ARHGAP39: variants seen among roughly 807,000 people sequenced by gnomAD.
ARHGAP39 encodes rho GTPase-activating protein 39.
ARHGAP39 carries 44 observed loss-of-function variants against 106.9 expected under a neutral mutation model. The observed-to-expected ratio is 0.41, with a 90% CI of 0.32 to 0.53. The LOEUF (loss-of-function observed/expected upper bound fraction) is 0.53, where lower values mean the gene tolerates loss of function less well. Among genes scored for constraint, ARHGAP39 ranks in the 20% least tolerant of loss-of-function variants. ARHGAP39 has a pLI of 0.21. For synonymous variants in ARHGAP39, 768 were observed against 693.2 expected (o/e 1.11, Z -1.69); for missense variants, 1,496 against 1,577.3 (o/e 0.95, Z 0.87).
intron 2 of ARHGAP39, among the ~76,000 whole-genome samples, chr8:144,590,890 TGAGGTCGCC>T (rs1819367681): frequency 6.6e-6 from 1 of 151,650 alleles, no homozygotes; most frequent in South Asian, 2.1e-4. Context: ...AGCCAGAGGG[TGAGGTCGCC>T]CTGAACCCCA....
Position 144,664,661 on chromosome 8 carries a change from G to A in ARHGAP39, c.-82+21025C>T, listed in dbSNP as rs116892257. ...CTGGTCTTTCCTGTGTTATTCTCGC[G>A]ATAGTGAATAAGTCTCACGAGATCT... is the stretch of plus-strand genomic sequence containing the variant. On this transcript the variant is annotated intron_variant, in intron 1 of 11. Transcript: ENST00000377307. Among the ~76,000 whole-genome samples, 764 of 152,242 alleles carry A rather than the reference G, an allele frequency of 5.0e-3. 5 individuals are homozygous for A. The highest frequency in any genetic ancestry group is 9.4e-3 in the Non-Finnish European group (642 of 68,024).
At chr8:144,597,588 G>A (rs1381581618) in intron 2 of ARHGAP39, among the ~76,000 whole-genome samples, 3 of 152,200 alleles carry the variant, frequency 2.0e-5, no homozygotes, top group Non-Finnish European at 4.4e-5. Flanking sequence ...GGGGGCGGGG[G>A]GAACCCAGGA....
chr8:144,629,406 C>T (rs1401750587), intron 1 of ARHGAP39, among the ~76,000 whole-genome samples: 1 of 152,186 alleles, frequency 6.6e-6, no homozygotes, highest in Non-Finnish European at 1.5e-5. Flanking sequence ...CGGAGCACGG[C>T]TGTGAGACCT....
rs537372920 is a variant in ARHGAP39 at position 144,630,226 on chromosome 8, C to G, written c.-81-24531G>C. 2.6e-5 allele frequency among the ~76,000 whole-genome samples: 4 copies of G among 152,320 alleles called. No individual in the cohort carries two copies. The South Asian group carries it at 8.3e-4, about 32-fold the overall frequency. ...GTCCAGCTCCTCCTCACTGCCCCAC[C>G]ACAACTCATGTGCTCGCCCAGGCAC... On this transcript the variant is annotated intron_variant, in intron 1 of 11. Transcript: ENST00000377307.
chr8:144,660,370 T>C (rs2129681577), intron 1 of ARHGAP39, among the ~76,000 whole-genome samples: 1 of 152,122 alleles, frequency 6.6e-6, no homozygotes, highest in East Asian at 1.9e-4. Context: ...TATTAAAGAA[T>C]CTCCAAAAAA....
At chr8:144,544,258 A>C (rs1226052900) in intron 6 of ARHGAP39, among the ~76,000 whole-genome samples, 1 of 152,236 alleles carries the variant, frequency 6.6e-6, no homozygotes, top group Admixed American at 6.5e-5. Flanking sequence ...CACTGTCCCC[A>C]GGAACCTCCC....
At position 144,679,443 on chromosome 8, in the gene ARHGAP39, T is replaced by C. The variant is rs1209238924; in HGVS notation, c.-82+6243A>G. ...GTCCTGGATCTGGAAATGAAGACTC[T>C]TGGAAAAGAGTCACAAGCAAACGAA... is the stretch of plus-strand genomic sequence containing the variant. On this transcript the variant is annotated intron_variant, in intron 1 of 11. Coordinates refer to ENST00000377307, the MANE Select transcript of ARHGAP39 (RefSeq NM_025251.3). The surrounding 1 kb of genome is among the most constrained non-coding windows in gnomAD (Gnocchi z 4.7). 6.6e-6 allele frequency among the ~76,000 whole-genome samples: 1 copy of C among 152,188 alleles called. No individual in the cohort carries two copies. Among genetic ancestry groups the C allele is most frequent in the Non-Finnish European group, 1.5e-5 (1 of 68,040 alleles).
At chr8:144,699,021 A>T in the ARHGAP39 span, 1 of 381,422 alleles carries the variant, frequency 2.6e-6, no homozygotes, top group African/African-American at 2.1e-5. Flanking sequence ...TGCCTAAAAA[A>T]GCAGGGTCCT....
the ARHGAP39 span, among the ~76,000 whole-genome samples, chr8:144,692,191 CCCCTCCCTCTCTCTGTCTCCTT>C: frequency 6.6e-6 from 1 of 152,076 alleles, no homozygotes; most frequent in Non-Finnish European, 1.5e-5. Flanking sequence ...TGTCTCTTTC[CCCCTCCCTCTCTCTGTCTCCTT>C]CCCTCCCTCC....
chr8:144,627,554 CAA>C (rs386414277), intron 1 of ARHGAP39, among the ~76,000 whole-genome samples: 12 of 103,806 alleles, frequency 1.2e-4, no homozygotes, highest in Admixed American at 3.2e-4. Context: ...GACTCCATCT[CAA>C]AAAAAAAAAA....
chr8:144,659,999 G>A (rs888815438), intron 1 of ARHGAP39, among the ~76,000 whole-genome samples: 1 of 152,072 alleles, frequency 6.6e-6, no homozygotes, highest in Non-Finnish European at 1.5e-5. Context: ...ACATTCCTTG[G>A]GTGGTGTTCC....
rs1220410111 is a variant in ARHGAP39, at chr8:144,647,247, G to A, written c.-82+38439C>T. 2.6e-5 allele frequency among the ~76,000 whole-genome samples: 4 copies of A among 152,086 alleles called. No individual in the cohort carries two copies. Among genetic ancestry groups the A allele is most frequent in the East Asian group, 1.9e-4 (1 of 5,178 alleles). On this transcript the variant is annotated intron_variant, in intron 1 of 11. Transcript: ENST00000377307. The surrounding 1 kb of genome is among the most constrained non-coding windows in gnomAD (Gnocchi z 4.8). ...CTCCCAAACTGCTGGGATTACAGCC[G>A]TGAGCCACTGCGCCCGGCCTGCTCT...
intron 3 of ARHGAP39, among the ~76,000 whole-genome samples, chr8:144,557,238 A>C (rs76181149): frequency 3.5e-5 from 5 of 144,016 alleles, no homozygotes; most frequent in African/African-American, 5.6e-5. Flanking sequence ...TAGTATTCAG[A>C]GGCAAAGGCT....
At chr8:144,565,457 G>C (rs1233750220) in intron 3 of ARHGAP39, among the ~76,000 whole-genome samples, 2 of 152,210 alleles carry the variant, frequency 1.3e-5, no homozygotes, top group Non-Finnish European at 2.9e-5. Flanking sequence ...GGGAGGTCAA[G>C]GCGGGTGGAT....
At chr8:144,534,063 G>A in intron 8 of ARHGAP39, 66 bp downstream of exon 8, 2 of 1,566,246 alleles carry the variant, frequency 1.3e-6, no homozygotes, top group Non-Finnish European at 1.7e-6. Flanking sequence ...CGGGGCTCCT[G>A]GGGCTGTCCA....
At position 144,591,893 on chromosome 8, in the gene ARHGAP39, CTGCCTGTGGGGAGTGG is replaced by C. The variant is rs903489051; in HGVS notation, c.81-10632_81-10617del. On this transcript the variant is annotated intron_variant, in intron 2 of 11. Transcript: ENST00000377307. The surrounding 1 kb of genome is among the most constrained non-coding windows in gnomAD (Gnocchi z 5.3). Reference sequence around the variant, plus strand: ...CGTCGCCTCGTGCCTGCGGGGAGTGCTGCCTGTGGGGAGTGGTGCCTGTGGGGAGTGGTGCCTGCAG... The same window carrying C: ...CGTCGCCTCGTGCCTGCGGGGAGTGCTGCCTGTGGGGAGTGGTGCCTGCAG... Among the ~76,000 whole-genome samples, 35 of 152,126 alleles carry C rather than the reference CTGCCTGTGGGGAGTGG, an allele frequency of 2.3e-4. No homozygotes were observed. Among genetic ancestry groups the C allele is most frequent in the Middle Eastern group, 3.4e-3 (1 of 294 alleles).
upstream of ARHGAP39, among the ~76,000 whole-genome samples, chr8:144,688,527 C>G (rs2129800784): frequency 6.6e-6 from 1 of 152,296 alleles, no homozygotes; most frequent in Non-Finnish European, 1.5e-5. Context: ...TGGAGGAACG[C>G]TTGAGATCAG....
At chr8:144,683,580 C>G (rs1367864751) in intron 1 of ARHGAP39, 1 of 151,874 alleles carries the variant, frequency 6.6e-6, no homozygotes, top group East Asian at 2.0e-4. Context: ...CTCCTGACCT[C>G]AAGCGATCTG....
intron 1 of ARHGAP39, among the ~76,000 whole-genome samples, chr8:144,678,881 C>A (rs111801317): frequency 4.6e-5 from 7 of 152,122 alleles, no homozygotes; most frequent in Non-Finnish European, 1.0e-4. Flanking sequence ...TGGCTCAAGG[C>A]TGGGGCAGGA....
Sources: gnomAD v4.1 joint callset for allele counts (sites outside exome capture counted in the v4.1 genomes callset) on GRCh38, gnomAD v4.1.1 for gene constraint, Gnocchi (gnomAD v3.1) non-coding constraint, MANE v1.5 for transcripts, NCBI Gene and HGNC (gene_info 2026-07-23, HGNC 2026-07-21) for gene names.